NRCAM: variants seen among roughly 807,000 people sequenced by gnomAD.
The protein encoded by NRCAM is NgCAM-related cell adhesion molecule.
Under a neutral mutation model 156.5 loss-of-function variants are expected in NRCAM, and 83 were observed. The observed-to-expected ratio is 0.53, with a 90% CI of 0.44 to 0.64. The LOEUF (loss-of-function observed/expected upper bound fraction) is 0.64, where lower values mean the gene tolerates loss of function less well. NRCAM is among the 30% of genes least tolerant of loss of function. The pLI, the probability that NRCAM is intolerant of heterozygous loss-of-function variation, is 0.00. For synonymous variants in NRCAM, 538 were observed against 563.9 expected, an observed-to-expected ratio of 0.95 and a Z score of 0.65; for missense variants, 1,417 against 1,597.3, an observed-to-expected ratio of 0.89 and a Z score of 1.92.
chr7:108,366,801 G>A (rs2154334275), intron 2 of NRCAM, among the ~76,000 whole-genome samples: 1 of 152,278 alleles, frequency 6.6e-6, no homozygotes, highest in Admixed American at 6.5e-5. Flanking sequence ...ATATATCTGA[G>A]TCCAACTCAT....
chr7:108,375,106 A>C (rs2216259), intron 2 of NRCAM, among the ~76,000 whole-genome samples: 50,042 of 151,842 alleles, frequency 0.33, 8,754 homozygotes, highest in East Asian at 0.6. Flanking sequence ...AGTTTCAGTA[A>C]AGATATAACA....
intron 1 of NRCAM, among the ~76,000 whole-genome samples, chr7:108,452,982 T>C (rs764374267): frequency 1.4e-4 from 22 of 152,262 alleles, no homozygotes; most frequent in Non-Finnish European, 2.2e-4. Context: ...TAAGTCAATG[T>C]GTTCAGTTTG....
chr7:108,411,058 C>T lies in NRCAM; in HGVS notation c.-331-11465G>A, dbSNP rs548262552. Among the ~76,000 whole-genome samples, 111 of 152,162 alleles carry T rather than the reference C, an allele frequency of 7.3e-4. 2 individuals are homozygous for T. Among genetic ancestry groups the T allele is most frequent in the African/African-American group, 2.6e-3 (108 of 41,526 alleles). On this transcript the variant is annotated intron_variant, in intron 1 of 32. Coordinates refer to ENST00000379028, the MANE Select transcript of NRCAM (RefSeq NM_001037132.4). The stretch of plus-strand genomic sequence containing the variant: ...ATTGATTATATTCTAATTGTTGATA[C>T]TTTTTCCAACTTTCCACTACTTCAG...
chr7:108,431,032 G>A (rs945674640), intron 1 of NRCAM, among the ~76,000 whole-genome samples: 16 of 152,310 alleles, frequency 1.1e-4, no homozygotes, highest in African/African-American at 3.8e-4. Context: ...TCATGTACAT[G>A]TTTGCTGAAT....
chr7:108,347,870 AAC>A (rs2099376527), intron 2 of NRCAM, among the ~76,000 whole-genome samples: 1 of 152,142 alleles, frequency 6.6e-6, no homozygotes, highest in African/African-American at 2.4e-5. Flanking sequence ...CAGTGAACTG[AAC>A]CCCTCCACCT....
At chr7:108,205,927 A>C (rs2080919771) in intron 13 of NRCAM, among the ~76,000 whole-genome samples, 1 of 152,130 alleles carries the variant, frequency 6.6e-6, no homozygotes, top group African/African-American at 2.4e-5. Context: ...TTTTCCTCTC[A>C]GTTTTCACTC....
At chr7:108,223,946 A>G (rs879634360) in intron 10 of NRCAM, 110 bp from the exon 11 acceptor site, 38 of 632,176 alleles carry the variant, frequency 6.0e-5, no homozygotes, top group Non-Finnish European at 9.1e-5. Context: ...AAGCTATTTA[A>G]CATTAATTGT....
intron 2 of NRCAM, among the ~76,000 whole-genome samples, chr7:108,392,641 T>C (rs1331642587): frequency 2.0e-5 from 3 of 152,096 alleles, no homozygotes; most frequent in Admixed American, 2.0e-4. Context: ...GGAGAAGATG[T>C]GCTCTGATTT....
chr7:108,367,707 C>T (rs1343889204), intron 2 of NRCAM, among the ~76,000 whole-genome samples: 1 of 151,988 alleles, frequency 6.6e-6, no homozygotes, highest in African/African-American at 2.4e-5. Context: ...AAGCAGAGAA[C>T]CATGTGAAAG....
chr7:108,221,353 T>A (rs1404261071), intron 11 of NRCAM, among the ~76,000 whole-genome samples: 1 of 152,312 alleles, frequency 6.6e-6, no homozygotes, highest in Non-Finnish European at 1.5e-5. Flanking sequence ...ACTGGGTATC[T>A]ACCCAGAGGA....
Position 108,191,771 on chromosome 7 carries a change from T to C in NRCAM, c.1861A>G (p.Thr621Ala). Residue 621 changes from threonine to alanine, a missense_variant, in exon 18 of 33, where the codon ACT becomes GCT. By Grantham distance (58) the Thr-to-Ala change is moderately conservative (BLOSUM62 0). Around this residue, in one of 2 missense-constraint regions of NRCAM, gnomAD observed 1,238 missense variants for 1,336.4 expected, o/e 0.93. Transcript: ENST00000379028. ...SGTYTCVANT[T>A]LDSVSASAVL... ...GCGCTGGCGGAGACGCTGTCCAGAGTGGTGTTGGCCACACACGTGTAGGTC... is the reference window on the plus strand; with the variant it reads ...GCGCTGGCGGAGACGCTGTCCAGAGCGGTGTTGGCCACACACGTGTAGGTC... 6.2e-7 allele frequency: 1 copy of C among 1,613,944 alleles called. No individual in the cohort carries two copies. The highest frequency in any genetic ancestry group is 8.5e-7 in the Non-Finnish European group (1 of 1,179,978).
chr7:108,184,368 A>C, intron 21 of NRCAM, 49 bp downstream of exon 21: 2 of 1,613,444 alleles, frequency 1.2e-6, no homozygotes, highest in Middle Eastern at 3.3e-4. Flanking sequence ...AGAGTGGAAA[A>C]CTTTTTTATT....
chr7:108,281,397 G>A (rs1274374086), intron 3 of NRCAM, among the ~76,000 whole-genome samples: 2 of 152,056 alleles, frequency 1.3e-5, no homozygotes, highest in Non-Finnish European at 2.9e-5. Flanking sequence ...GAGATAACAG[G>A]AGACTGTGCC....
At chr7:108,299,412 A>G (rs2098544731) in intron 3 of NRCAM, among the ~76,000 whole-genome samples, 1 of 152,172 alleles carries the variant, frequency 6.6e-6, no homozygotes, top group East Asian at 1.9e-4. Flanking sequence ...CAAAGGTCAG[A>G]CCTGTGAGCA....
chr7:108,149,815 T>G lies in NRCAM; in HGVS notation c.*95A>C. 1.1e-6 allele frequency: 1 copy of G among 950,346 alleles called. No homozygotes were observed. The highest frequency in any genetic ancestry group is 1.6e-6 in the Non-Finnish European group (1 of 617,974). 58.9% of individuals were successfully genotyped at this position (950,346 alleles called of 1,614,324 possible). ...TACTAACATACAGCAGAAAATATAC[T>G]CTCTACCCATATGTTCATAGTATGA... is the stretch of plus-strand genomic sequence containing the variant. On this transcript the variant is annotated 3_prime_UTR_variant, in exon 33 of 33. Coordinates refer to ENST00000379028, the MANE Select transcript of NRCAM (RefSeq NM_001037132.4).
intron 32 of NRCAM, chr7:108,156,646 A>C (rs1479170377): frequency 6.6e-6 from 1 of 152,350 alleles, no homozygotes; most frequent in Non-Finnish European, 1.5e-5. Context: ...TCATCATCAA[A>C]CTGGAGAATG....
At chr7:108,273,480 G>C (rs2097455867) in intron 3 of NRCAM, among the ~76,000 whole-genome samples, 1 of 152,172 alleles carries the variant, frequency 6.6e-6, no homozygotes, top group South Asian at 2.1e-4. Context: ...GTTTTGATTT[G>C]CATTTCTCTG....
chr7:108,182,402 T>C (rs1306234059), intron 23 of NRCAM, among the ~76,000 whole-genome samples: 1 of 152,196 alleles, frequency 6.6e-6, no homozygotes, highest in African/African-American at 2.4e-5. Flanking sequence ...TGATATTTCA[T>C]ATAGGAGGGT....
intron 2 of NRCAM, among the ~76,000 whole-genome samples, chr7:108,386,928 G>T (rs2099742540): frequency 6.6e-6 from 1 of 151,998 alleles, no homozygotes; most frequent in Admixed American, 6.6e-5. Flanking sequence ...TTTTTTTGAA[G>T]ATTTTCAGAA....
Sources: allele counts gnomAD v4.1 joint callset (sites outside exome capture counted in the v4.1 genomes callset), GRCh38; gene constraint gnomAD v4.1.1; regional missense constraint gnomAD v4.1.1; transcripts MANE v1.5; gene names NCBI Gene and HGNC (gene_info 2026-07-23, HGNC 2026-07-21).